Variants in ATE1 observed in about 807,000 individuals in gnomAD.
ATE1 encodes arginyltransferase 1.
Under a neutral mutation model 70.5 loss-of-function variants are expected in ATE1, and 36 were observed. The observed-to-expected ratio is 0.51, with a 90% confidence interval of 0.39 to 0.67. The LOEUF is 0.67. Among genes scored for constraint, ATE1 ranks in the 30% least tolerant of loss-of-function variants. ATE1 has a pLI of 0.00. For missense variants in ATE1, 593 were observed against 629.5 expected (o/e 0.94, Z 0.62); for synonymous variants, 232 against 219.3 (o/e 1.06, Z -0.51).
At chr10:121,779,414 T>C (rs1440738574) in intron 11 of ATE1, among the ~76,000 whole-genome samples, 1 of 152,160 alleles carries the variant, frequency 6.6e-6, no homozygotes, top group African/African-American at 2.4e-5. Context: ...CACCAGCACC[T>C]GCTTCAATGG....
At chr10:121,840,958 C>T (rs181976943) in intron 9 of ATE1, 124 bp downstream of exon 9, 1 of 908,258 alleles carries the variant, frequency 1.1e-6, no homozygotes, top group Admixed American at 3.8e-5. Context: ...AAGAGACTAG[C>T]AACAAATCAT....
At chr10:121,851,413 C>T (rs1949053018) in intron 8 of ATE1, among the ~76,000 whole-genome samples, 1 of 152,180 alleles carries the variant, frequency 6.6e-6, no homozygotes, top group Non-Finnish European at 1.5e-5. Flanking sequence ...GAGCAAGACC[C>T]TGTTTCAAAA....
At chr10:121,797,876 T>C (rs1373457470) in intron 10 of ATE1, among the ~76,000 whole-genome samples, 1 of 152,208 alleles carries the variant, frequency 6.6e-6, no homozygotes, top group Admixed American at 6.5e-5. Flanking sequence ...CCATGGGGCT[T>C]ATCACTGTCT....
At chr10:121,751,323 A>C (rs919339909) in intron 11 of ATE1, among the ~76,000 whole-genome samples, 8 of 152,258 alleles carry the variant, frequency 5.3e-5, no homozygotes, top group African/African-American at 1.9e-4. Context: ...CCAAGGACTT[A>C]CAGTGTATTC....
At chr10:121,839,758 G>T (rs1356623238) in intron 9 of ATE1, among the ~76,000 whole-genome samples, 1 of 152,092 alleles carries the variant, frequency 6.6e-6, no homozygotes, top group East Asian at 1.9e-4. Context: ...AGTTGAAAAT[G>T]CTAAGACAAA....
chr10:121,803,094 T>C (rs920178172), intron 10 of ATE1, among the ~76,000 whole-genome samples: 2 of 152,190 alleles, frequency 1.3e-5, no homozygotes, highest in African/African-American at 4.8e-5. Context: ...TTATATGCTG[T>C]GTTTCTCTTA....
At chr10:121,808,939 T>C (rs1021467950) in intron 10 of ATE1, among the ~76,000 whole-genome samples, 14 of 152,236 alleles carry the variant, frequency 9.2e-5, no homozygotes, top group Admixed American at 9.2e-4. Flanking sequence ...TTGATGTATC[T>C]TGCACTTTGA....
intron 7 of ATE1, among the ~76,000 whole-genome samples, chr10:121,882,509 C>T (rs1176567535): frequency 6.6e-6 from 1 of 152,186 alleles, no homozygotes; most frequent in East Asian, 1.9e-4. Flanking sequence ...AATGAGGAAC[C>T]TGGAGTGAAG....
chr10:121,855,593 G>A (rs1403978179), intron 8 of ATE1, among the ~76,000 whole-genome samples: 1 of 152,124 alleles, frequency 6.6e-6, no homozygotes, highest in African/African-American at 2.4e-5. Context: ...ATTTCTCATT[G>A]TATGTGAAAT....
chr10:121,755,063 C>G (rs1036007316), intron 11 of ATE1, among the ~76,000 whole-genome samples: 9 of 152,164 alleles, frequency 5.9e-5, no homozygotes, highest in African/African-American at 2.2e-4. Flanking sequence ...CAAAAGGGGC[C>G]TAAAAAGACA....
intron 10 of ATE1, among the ~76,000 whole-genome samples, chr10:121,819,943 C>T (rs573503344): frequency 1.3e-4 from 19 of 151,860 alleles, no homozygotes; most frequent in African/African-American, 4.1e-4. Context: ...GTCAGGAGTT[C>T]GAGACCAGCC....
At chr10:121,846,880 CA>C (rs1325723241) in intron 8 of ATE1, among the ~76,000 whole-genome samples, 11 of 151,904 alleles carry the variant, frequency 7.2e-5, no homozygotes, top group Non-Finnish European at 1.5e-4. Context: ...GAAACAGATA[CA>C]ATACAAAGAG....
intron 11 of ATE1, among the ~76,000 whole-genome samples, chr10:121,773,234 T>C (rs1035309675): frequency 1.4e-4 from 21 of 152,236 alleles, no homozygotes; most frequent in Non-Finnish European, 2.4e-4. Flanking sequence ...TTTATTTCAT[T>C]ACACTACACT....
intron 1 of ATE1, 29 bp from the exon 2 acceptor site, chr10:121,924,358 G>C (rs751395572): frequency 4.4e-6 from 7 of 1,596,196 alleles, no homozygotes; most frequent in Admixed American, 3.3e-5. Flanking sequence ...TGTTAATTAC[G>C]GCAGGGTAAC....
At chr10:121,786,797 C>T (rs1041937706) in intron 11 of ATE1, among the ~76,000 whole-genome samples, 4 of 151,902 alleles carry the variant, frequency 2.6e-5, no homozygotes, top group African/African-American at 2.4e-5. Flanking sequence ...AAAATGACAA[C>T]GTAAGGATGC....
At chr10:121,821,718 T>C (rs531379590) in intron 10 of ATE1, among the ~76,000 whole-genome samples, 2 of 152,096 alleles carry the variant, frequency 1.3e-5, no homozygotes, top group Non-Finnish European at 2.9e-5. Flanking sequence ...CCATCTCTAC[T>C]AAAAATACAA....
At chr10:121,893,233 C>T (rs1474775740) in intron 7 of ATE1, among the ~76,000 whole-genome samples, 10 of 147,532 alleles carry the variant, frequency 6.8e-5, no homozygotes, top group Non-Finnish European at 1.5e-4. Context: ...GCCAAGATCA[C>T]GCCACTGCAC....
At chr10:121,916,316 G>A (rs1288981699) in intron 3 of ATE1, among the ~76,000 whole-genome samples, 17 of 152,038 alleles carry the variant, frequency 1.1e-4, no homozygotes, top group Non-Finnish European at 2.1e-4. Context: ...GAATATCACC[G>A]CACTTCTCAA....
intron 3 of ATE1, 69 bp downstream of exon 3, chr10:121,922,278 CAA>C (rs1951911419): frequency 2.7e-6 from 3 of 1,095,310 alleles, no homozygotes; most frequent in Non-Finnish European, 4.0e-6. Context: ...TAAAAAAGCA[CAA>C]GAGACTACTA....
Sources: allele counts gnomAD v4.1 joint callset (sites outside exome capture counted in the v4.1 genomes callset), GRCh38; gene constraint gnomAD v4.1.1; transcripts MANE v1.5; gene names NCBI Gene and HGNC (gene_info 2026-07-23, HGNC 2026-07-21).